QARS1: variants seen among roughly 807,000 people sequenced by gnomAD.
QARS1 encodes the protein glutaminyl-tRNA synthetase 1, also known as glutamine--tRNA ligase.
QARS1 carries 79 observed loss-of-function variants against 106.9 expected under a neutral mutation model. The observed-to-expected ratio is 0.74, with a 90% CI of 0.62 to 0.89. QARS1 has a LOEUF of 0.89. QARS1 is among the 40% of genes least tolerant of loss of function. The pLI, the probability that QARS1 is intolerant of heterozygous loss-of-function variation, is 0.00. For missense variants in QARS1, 966 were observed against 997.2 expected (o/e 0.97, Z 0.42); for synonymous variants, 395 against 367.7 (o/e 1.07, Z -0.85).
chr3:49,098,552 C>G (rs1359342088), intron 20 of QARS1, 48 bp downstream of exon 20: 1 of 1,610,302 alleles, frequency 6.2e-7, no homozygotes, highest in African/African-American at 1.3e-5. Context: ...ATACTCACAT[C>G]TTGGCCCCAG....
intron 5 of QARS1, 142 bp from the exon 6 acceptor site, chr3:49,102,614 C>G (rs550024239): frequency 3.4e-5 from 28 of 813,156 alleles, no homozygotes; most frequent in Non-Finnish European, 5.2e-5. Flanking sequence ...CCCATCTCTT[C>G]TCATGTGGGT....
Position 49,104,430 on chromosome 3 carries a change from C to G in QARS1, c.159G>C (p.Gly53=). Residue 53 remains glycine, a synonymous_variant, in exon 2 of 24, where the codon GGG becomes GGC. Transcript: ENST00000306125. ...TLGSTIDKAT[G]ILLYGLASRL... Reference sequence around the variant, plus strand: ...GGGAGGCCAAGCCATATAACAGGATCCCGGTAGCTTTGTCAATGGTGGAAC... The same window carrying G: ...GGGAGGCCAAGCCATATAACAGGATGCCGGTAGCTTTGTCAATGGTGGAAC... 6.2e-7 allele frequency: 1 copy of G among 1,614,214 alleles called. No homozygotes were observed. Among genetic ancestry groups the G allele is most frequent in the East Asian group, 2.2e-5 (1 of 44,892 alleles).
chr3:49,100,423 A>G lies in QARS1; in HGVS notation c.1012T>C (p.Tyr338His), dbSNP rs2042454266. 6.2e-7 allele frequency: 1 copy of G among 1,614,238 alleles called. No individual in the cohort carries two copies. Among genetic ancestry groups the G allele is most frequent in the Non-Finnish European group, 8.5e-7 (1 of 1,180,032 alleles). Residue 338 changes from tyrosine (Y) to histidine (H), a missense_variant, in exon 12 of 24, where the codon TAT (tyrosine) becomes CAT (histidine). Tyr to His is a moderately conservative substitution (Grantham distance 83). Coordinates refer to ENST00000306125, the MANE Select transcript of QARS1 (RefSeq NM_005051.3). ...TPYKVTYASD[Y>H]FDQLYAWAVE... ...GCCCACGCATATAGCTGGTCAAAAT[A>G]GTCAGACGCATATGTGACTTTGTAA... is the stretch of plus-strand genomic sequence containing the variant.
Position 49,101,852 on chromosome 3 carries a change from C to T in QARS1, c.679G>A (p.Glu227Lys). The T allele has an allele frequency of 1.2e-6, 2 of 1,611,816 alleles. No individual in the cohort carries two copies. Among genetic ancestry groups the T allele is most frequent in the Non-Finnish European group, 1.7e-6 (2 of 1,178,866 alleles). Reference sequence around the variant, plus strand: ...CCAGGCTTGTGGAACTTAAGGGCCTCCCCCCGGAGCTGCTCCATCAGAGAC... The same window carrying T: ...CCAGGCTTGTGGAACTTAAGGGCCTTCCCCCGGAGCTGCTCCATCAGAGAC... ...TLSLMEQLRG[E>K]ALKFHKPGEN... Residue 227 changes from glutamate to lysine, a missense_variant, in exon 8 of 24, where the codon GAG becomes AAG. Transcript: ENST00000306125.
In QARS1 at chr3:49,099,492, C is replaced by T; in HGVS notation, c.1526+18G>A. Reference sequence around the variant, plus strand: ...GCATATGCCATTAACCTTTCATAAGCCAAACAGCCGCACCTACCGCACAGC... The same window carrying T: ...GCATATGCCATTAACCTTTCATAAGTCAAACAGCCGCACCTACCGCACAGC... On this transcript the variant is annotated intron_variant, in intron 16 of 23. Transcript: ENST00000306125. The T allele has an allele frequency of 6.2e-7, 1 of 1,614,172 alleles. No homozygotes were observed. The highest frequency in any genetic ancestry group is 8.5e-7 in the Non-Finnish European group (1 of 1,180,018).
chr3:49,096,122 G>A (rs2042386582), intron 23 of QARS1, 43 bp from the exon 24 acceptor site: 2 of 1,605,872 alleles, frequency 1.2e-6, no homozygotes, highest in Non-Finnish European at 1.7e-6. Context: ...CCCAGAACAA[G>A]GCCAGGGAGG....
chr3:49,102,602 A>G (rs1243137331), intron 5 of QARS1, 130 bp from the exon 6 acceptor site: 7 of 914,168 alleles, frequency 7.7e-6, no homozygotes. Context: ...TACCTAGCCC[A>G]TCCCATCTCT....
chr3:49,099,274 C>G, intron 17 of QARS1, 21 bp from the exon 18 acceptor site: 1 of 1,614,174 alleles, frequency 6.2e-7, no homozygotes, highest in Non-Finnish European at 8.5e-7. Flanking sequence ...AGTTCAGCAT[C>G]AGTCACAGCT....
At position 49,099,315 on chromosome 3, in the gene QARS1, A is replaced by G. The variant is rs1250706776; in HGVS notation, c.1614+29T>C. On this transcript the variant is annotated intron_variant, in intron 17 of 23. Transcript: ENST00000306125. Reference sequence around the variant, plus strand: ...CACAAACTGCCACACTCAACCCCCAATGTATCTACCCAACCTGCTGGGCTA... The same window carrying G: ...CACAAACTGCCACACTCAACCCCCAGTGTATCTACCCAACCTGCTGGGCTA... The G allele has an allele frequency of 2.5e-6, 4 of 1,613,940 alleles. No individual in the cohort carries two copies. In the Admixed American group the frequency reaches 5.0e-5, roughly 20 times the overall value.
chr3:49,103,417 C>G lies in QARS1; in HGVS notation c.452-8G>C. 2 of 1,614,136 alleles carry G rather than the reference C, an allele frequency of 1.2e-6. No individual in the cohort carries two copies. Among genetic ancestry groups the G allele is most frequent in the Admixed American group, 1.7e-5 (1 of 60,012 alleles). ...GCACAGCCCGAGCCTCTCCTAGAAG[C>G]ATAGGCACAAGGAGCTGCAGAAAGG... On this transcript the variant is annotated splice_polypyrimidine_tract_variant and splice_region_variant and intron_variant, in intron 4 of 23. Transcript: ENST00000306125.
In QARS1 at chr3:49,095,983, G is replaced by A; in HGVS notation, c.*46C>T. ...TGACATGGAATTTGGGGTGGCGAGG[G>A]TAGCCACACCCTCCAGGAGGATGAG... On this transcript the variant is annotated 3_prime_UTR_variant, in exon 24 of 24. Transcript: ENST00000306125. 1.9e-6 allele frequency: 3 copies of A among 1,590,356 alleles called. No individual in the cohort carries two copies. The highest frequency in any genetic ancestry group is 2.6e-6 in the Non-Finnish European group (3 of 1,161,290).
chr3:49,102,510 C>T lies in QARS1; in HGVS notation c.517-38G>A, dbSNP rs760833721. 8.1e-6 allele frequency: 13 copies of T among 1,611,652 alleles called. No homozygotes were observed. In the East Asian group the frequency reaches 2.2e-4, roughly 28 times the overall value. On this transcript the variant is annotated intron_variant, in intron 5 of 23. Transcript: ENST00000306125. ...CAGAATCAGGCAGAGGCAGGAGTATCCTCTTTCAAGGAGCCCCTGACTGAT... is the reference window on the plus strand; with the variant it reads ...CAGAATCAGGCAGAGGCAGGAGTATTCTCTTTCAAGGAGCCCCTGACTGAT...
intron 5 of QARS1, 127 bp downstream of exon 5, chr3:49,103,218 A>G (rs2042493863): frequency 2.0e-6 from 2 of 1,000,308 alleles, no homozygotes; most frequent in Non-Finnish European, 1.6e-6. Flanking sequence ...TCAGCCTCCC[A>G]AAGTGCTGGG....
rs1451748786 is a variant in QARS1 at position 49,098,341 on chromosome 3, C to T, written c.2084+12G>A. The T allele has an allele frequency of 2.5e-6, 4 of 1,614,222 alleles. No homozygotes were observed. Among genetic ancestry groups the T allele is most frequent in the East Asian group, 4.5e-5 (2 of 44,886 alleles). On this transcript the variant is annotated intron_variant, in intron 21 of 23. Transcript: ENST00000306125. ...TCTTGTACCTGCCCCCACCCCAGCT[C>T]TGTTCACTCACAGTCGCTCATAGAG...
At chr3:49,102,058 A>G in intron 7 of QARS1, 147 bp downstream of exon 7, 2 of 1,322,324 alleles carry the variant, frequency 1.5e-6, no homozygotes, top group South Asian at 1.3e-5. Flanking sequence ...GGGCAAAGGG[A>G]ACAAAAGAAA....
chr3:49,096,136 G>C lies in QARS1; in HGVS notation c.2278-57C>G, dbSNP rs1267674756. The C allele has an allele frequency of 2.5e-6, 4 of 1,588,860 alleles. No individual in the cohort carries two copies. In the East Asian group the frequency reaches 9.0e-5, roughly 36 times the overall value. ...ACCCAGAACAAGGCCAGGGAGGCCT[G>C]GGCAGGTTTCACCACAGACACCTCC... is the stretch of plus-strand genomic sequence containing the variant. On this transcript the variant is annotated intron_variant, in intron 23 of 23. Coordinates refer to ENST00000306125, the MANE Select transcript of QARS1 (RefSeq NM_005051.3).
intron 21 of QARS1, 37 bp downstream of exon 21, chr3:49,098,315 AT>A: frequency 6.2e-7 from 1 of 1,614,214 alleles, no homozygotes; most frequent in Non-Finnish European, 8.5e-7. Context: ...GGCAATGTGC[AT>A]CTTGTACCTG....
chr3:49,099,135 A>C lies in QARS1; in HGVS notation c.1733T>G (p.Ile578Ser). ...CTTGGCAGCAGGAAAGTTGGTGATG[A>C]TGACCCGTAGTGACTCCAGCACAGC... ...AMAVLESLRV[I>S]ITNFPAAKSL... The change falls in exon 18 of 24, where the codon ATC becomes AGC. Residue 578 changes from isoleucine to serine, a missense_variant. Transcript: ENST00000306125. 1.2e-6 allele frequency: 2 copies of C among 1,614,178 alleles called. No individual in the cohort carries two copies. Among genetic ancestry groups the C allele is most frequent in the Middle Eastern group, 1.6e-4 (1 of 6,062 alleles).
chr3:49,098,217 C>A lies in QARS1; in HGVS notation c.2126G>T (p.Gly709Val). ...CAGGTTCAGGTCACTTAAAAATCCA[C>A]CAGGCACCTCAGTAGGATCTTCAGG... ...KNPEDPTEVP[G>V]GFLSDLNLAS... is the part of the protein sequence containing the mutation. The change falls in exon 22 of 24, where the codon GGT becomes GTT. Residue 709 changes from glycine to valine, a missense_variant. Coordinates refer to ENST00000306125, the MANE Select transcript of QARS1 (RefSeq NM_005051.3). 1 of 1,614,186 alleles carries A rather than the reference C, an allele frequency of 6.2e-7. No individual in the cohort carries two copies. Among genetic ancestry groups the A allele is most frequent in the Non-Finnish European group, 8.5e-7 (1 of 1,180,030 alleles).
Sources: allele counts gnomAD v4.1 joint callset, GRCh38; gene constraint gnomAD v4.1.1; transcripts MANE v1.5; gene names NCBI Gene and HGNC (gene_info 2026-07-23, HGNC 2026-07-21).